The following CSF2RB variants were observed in gnomAD, a reference collection of about 807,000 sequenced individuals.
CSF2RB encodes the protein cytokine receptor common subunit beta.
A neutral mutation model predicts 67.2 loss-of-function variants in CSF2RB; 22 were observed. That is an observed-to-expected ratio of 0.33 (90% CI 0.23 to 0.47). The LOEUF (loss-of-function observed/expected upper bound fraction) is 0.47, where lower values mean the gene tolerates loss of function less well. CSF2RB is among the 20% of genes least tolerant of loss of function. The probability of loss-of-function intolerance (pLI) is 1.00; values close to 1 mark genes in which losing one functional copy is unlikely to be tolerated. For synonymous variants in CSF2RB, 507 were observed against 482.9 expected (o/e 1.05, Z -0.65); for missense variants, 1,113 against 1,174.5 (o/e 0.95, Z 0.76).
At chr22:36,920,006 G>A (rs1406363747) in intron 1 of CSF2RB, among the ~76,000 whole-genome samples, 3 of 152,166 alleles carry the variant, frequency 2.0e-5, no homozygotes, top group African/African-American at 2.4e-5. Context: ...CTGCGGGCTC[G>A]AATCTCAACC....
rs376833648 is a variant in CSF2RB, at chr22:36,935,448, G to A, written c.1406+7G>A. ...GTGGCATCTACGGGTACAGGTGAGG[G>A]GACTCTGTGGGGCTGGAGGTGGCAG... On this transcript the variant is annotated splice_region_variant and intron_variant, in intron 11 of 13. Transcript: ENST00000403662. 2 of 1,613,886 alleles carry A rather than the reference G, an allele frequency of 1.2e-6. No individual in the cohort carries two copies. The highest frequency in any genetic ancestry group is 1.3e-5 in the African/African-American group (1 of 74,910).
intron 1 of CSF2RB, among the ~76,000 whole-genome samples, chr22:36,916,916 A>G (rs577202891): frequency 1.3e-3 from 193 of 152,286 alleles, no homozygotes; most frequent in Non-Finnish European, 1.6e-3. Flanking sequence ...TGGAATTTTC[A>G]TGTTGATTGC....
Position 36,938,540 on chromosome 22 carries a change from C to T in CSF2RB, c.*38C>T, listed in dbSNP as rs918009351. On this transcript the variant is annotated 3_prime_UTR_variant, in exon 14 of 14. Transcript: ENST00000403662. ...TAGACAGGCAAGGGGATGGAGAGGG[C>T]TTGCCTTCCCTCCCGCCTGACCTTC... 1.3e-6 allele frequency: 2 copies of T among 1,574,664 alleles called. No individual in the cohort carries two copies. The highest frequency in any genetic ancestry group is 1.8e-5 in the Admixed American group (1 of 54,594).
At position 36,913,662 on chromosome 22, in the gene CSF2RB, C is replaced by T. The variant is rs1940644625; in HGVS notation, c.-188C>T. Reference sequence around the variant, plus strand: ...AGAGGCTCCAGAAGAAGACTGGTCTCTCCCACCACACAGAGGTATGGCCCG... The same window carrying T: ...AGAGGCTCCAGAAGAAGACTGGTCTTTCCCACCACACAGAGGTATGGCCCG... On this transcript the variant is annotated 5_prime_UTR_variant, in exon 1 of 14. Coordinates refer to ENST00000403662, the MANE Select transcript of CSF2RB (RefSeq NM_000395.3). The T allele has an allele frequency of 6.6e-6, 1 of 152,366 alleles. No individual in the cohort carries two copies. Among genetic ancestry groups the T allele is most frequent in the African/African-American group, 2.4e-5 (1 of 41,450 alleles). 9.4% of individuals were successfully genotyped at this position (152,366 alleles called of 1,614,324 possible).
At chr22:36,925,388 G>A (rs140270365) in intron 3 of CSF2RB, among the ~76,000 whole-genome samples, 4 of 152,178 alleles carry the variant, frequency 2.6e-5, no homozygotes, top group Admixed American at 1.3e-4. Context: ...ATTCGCAACC[G>A]AGGACCCTCA....
chr22:36,928,405 GCCTGT>G (rs1569134752), intron 4 of CSF2RB, among the ~76,000 whole-genome samples: 1 of 152,172 alleles, frequency 6.6e-6, no homozygotes, highest in South Asian at 2.1e-4. Context: ...CATGAGGGAC[GCCTGT>G]CCTGGCTGTG....
intron 4 of CSF2RB, among the ~76,000 whole-genome samples, 189 bp downstream of exon 4, chr22:36,926,366 C>T (rs1313504603): frequency 2.0e-5 from 3 of 152,226 alleles, no homozygotes; most frequent in Non-Finnish European, 2.9e-5. Context: ...AAAGGCTTCT[C>T]CTGTGCCCCT....
intron 3 of CSF2RB, among the ~76,000 whole-genome samples, chr22:36,924,198 T>A (rs1801153092): frequency 6.6e-6 from 1 of 150,514 alleles, no homozygotes; most frequent in South Asian, 2.1e-4. Context: ...CCCCTCCCTG[T>A]GACCTGCTTC....
chr22:36,933,607 G>T (rs1941205515), intron 9 of CSF2RB, among the ~76,000 whole-genome samples: 1 of 152,226 alleles, frequency 6.6e-6, no homozygotes, highest in Admixed American at 6.5e-5. Context: ...CCTCAGTGTT[G>T]TCAATGTCAG....
chr22:36,936,803 G>C (rs1004860353), intron 13 of CSF2RB, 151 bp downstream of exon 13: 1 of 644,408 alleles, frequency 1.6e-6, no homozygotes. Context: ...AGGCACCTGG[G>C]GGGGATGTGA....
chr22:36,923,422 C>T lies in CSF2RB; in HGVS notation c.200+55C>T, dbSNP rs538023924. The T allele has an allele frequency of 1.9e-6, 3 of 1,594,516 alleles. No individual in the cohort carries two copies. In the South Asian group the frequency reaches 3.4e-5, roughly 18 times the overall value. On this transcript the variant is annotated intron_variant, in intron 3 of 13. Transcript: ENST00000403662. ...GCAGGGGCTACGACGTCCCCTGTGCCTGGCATGGGGCGACAGTGTAGAGAG... is the reference window on the plus strand; with the variant it reads ...GCAGGGGCTACGACGTCCCCTGTGCTTGGCATGGGGCGACAGTGTAGAGAG...
At position 36,922,115 on chromosome 22, in the gene CSF2RB, G is replaced by A; in HGVS notation, c.-93G>A. The stretch of plus-strand genomic sequence containing the variant: ...TCTGGCCTGGCTCCCAGCTGGGCAG[G>A]AACACAGGACTTCAGGACACTAAGG... On this transcript the variant is annotated 5_prime_UTR_variant, in exon 2 of 14. Coordinates refer to ENST00000403662, the MANE Select transcript of CSF2RB (RefSeq NM_000395.3). 1.6e-6 allele frequency: 2 copies of A among 1,222,880 alleles called. No homozygotes were observed. Among genetic ancestry groups the A allele is most frequent in the Non-Finnish European group, 2.3e-6 (2 of 859,886 alleles). 75.8% of individuals were successfully genotyped at this position (1,222,880 alleles called of 1,614,324 possible).
intron 3 of CSF2RB, among the ~76,000 whole-genome samples, chr22:36,925,744 C>T (rs1481956905): frequency 1.3e-5 from 2 of 152,200 alleles, no homozygotes; most frequent in African/African-American, 4.8e-5. Context: ...CTTCCTCCCT[C>T]CTCACCTGCT....
In CSF2RB at chr22:36,937,746, G is replaced by T; in HGVS notation, c.1938G>T (p.Met646Ile). 6.4e-7 allele frequency: 1 copy of T among 1,566,880 alleles called. No individual in the cohort carries two copies. Among genetic ancestry groups the T allele is most frequent in the East Asian group, 2.4e-5 (1 of 42,474 alleles). The change falls in exon 14 of 14, where the codon ATG becomes ATT. Residue 646 changes from methionine to isoleucine, a missense_variant. Physicochemically the swap from Met to Ile is conservative, Grantham distance 10. Coordinates refer to ENST00000403662, the MANE Select transcript of CSF2RB (RefSeq NM_000395.3). The surrounding 1 kb of genome is among the most constrained non-coding windows in gnomAD (Gnocchi z 4.6). ...AACTGGTCCCTCTGGCCCAGGCGAT[G>T]GGACCAGGACAGGCCGTGGAAGTGG... is the stretch of plus-strand genomic sequence containing the variant. ...QVQLVPLAQA[M>I]GPGQAVEVER... is the part of the protein sequence containing the mutation.
intron 5 of CSF2RB, 25 bp downstream of exon 5, chr22:36,929,584 C>T: frequency 1.2e-6 from 2 of 1,614,158 alleles, no homozygotes; most frequent in Non-Finnish European, 1.7e-6. Flanking sequence ...CAGCTCTGCC[C>T]CAGCCCGAAG....
In CSF2RB at chr22:36,933,988, G is replaced by A. The variant is rs776366819; in HGVS notation, c.1309G>A (p.Glu437Lys). 53 of 1,612,240 alleles carry A rather than the reference G, an allele frequency of 3.3e-5. 1 individual carries two copies. The highest frequency in any genetic ancestry group is 4.1e-5 in the Non-Finnish European group (48 of 1,179,998). Reference protein sequence around the residue: ...EWSEARSWDTESVLPMWVLAL... With the variant: ...EWSEARSWDTKSVLPMWVLAL... ...GAGTGAGGCGCGCTCCTGGGACACC[G>A]AGTCGGGTAGGTGAAGGCTGGAGTC... The change falls in exon 10 of 14, where the codon GAG (glutamate) becomes AAG (lysine). Residue 437 changes from glutamate to lysine, a missense_variant. Transcript: ENST00000403662.
At chr22:36,914,349 C>T (rs953385445) in intron 1 of CSF2RB, among the ~76,000 whole-genome samples, 2 of 151,888 alleles carry the variant, frequency 1.3e-5, no homozygotes, top group African/African-American at 4.8e-5. Context: ...GAGAAAGAGC[C>T]CAGCACTTTG....
chr22:36,932,655 C>A, intron 8 of CSF2RB, 110 bp from the exon 9 acceptor site: 1 of 1,307,646 alleles, frequency 7.6e-7, no homozygotes, highest in Non-Finnish European at 1.1e-6. Flanking sequence ...ATGGGCAGAA[C>A]CTGGGGTCTG....
At chr22:36,929,302 G>A in intron 4 of CSF2RB, 100 bp from the exon 5 acceptor site, 1 of 1,516,556 alleles carries the variant, frequency 6.6e-7, no homozygotes, top group Non-Finnish European at 9.1e-7. Flanking sequence ...TGGGGGCAGG[G>A]GTGGCCTGGA....
Sources: allele counts gnomAD v4.1 joint callset (sites outside exome capture counted in the v4.1 genomes callset), GRCh38; gene constraint gnomAD v4.1.1; non-coding constraint Gnocchi (gnomAD v3.1); transcripts MANE v1.5; gene names NCBI Gene and HGNC (gene_info 2026-07-23, HGNC 2026-07-21).